The following KRT77 variants were observed in gnomAD, a reference collection of about 807,000 sequenced individuals.
KRT77 encodes keratin, type II cytoskeletal 1b.
Under a neutral mutation model 51.5 loss-of-function variants are expected in KRT77, and 44 were observed. The ratio of observed to expected loss-of-function variants is 0.85; its 90% CI spans 0.67 to 1.10. KRT77 has a LOEUF of 1.10. Among genes scored for constraint, KRT77 ranks in the 50% least tolerant of loss-of-function variants. The pLI is 0.00. For missense variants in KRT77, 763 were observed against 743.9 expected, an observed-to-expected ratio of 1.03 and a Z score of -0.30; for synonymous variants, 293 against 302.0, an observed-to-expected ratio of 0.97 and a Z score of 0.31.
chr12:52,691,810 A>G (rs2121041365), intron 8 of KRT77, 128 bp downstream of exon 8: 2 of 989,042 alleles, frequency 2.0e-6, no homozygotes, highest in Non-Finnish European at 1.6e-6. Context: ...ACACTTGCTT[A>G]CTTTGGTGTC....
chr12:52,690,869 T>C lies in KRT77; in HGVS notation c.*296A>G. 1.9e-6 allele frequency: 1 copy of C among 527,094 alleles called. No individual in the cohort carries two copies. The highest frequency in any genetic ancestry group is 3.5e-5 in the East Asian group (1 of 28,734). 32.7% of individuals were successfully genotyped at this position (527,094 alleles called of 1,614,324 possible). ...CTAACTGGAATGTTTGTGCTCACCC[T>C]GGGCTACCGATCTTCCAAAAAGGTG... On this transcript the variant is annotated 3_prime_UTR_variant, in exon 9 of 9. Coordinates refer to ENST00000341809, the MANE Select transcript of KRT77 (RefSeq NM_175078.3).
At position 52,690,631 on chromosome 12, in the gene KRT77, A is replaced by G. The variant is rs1284506745; in HGVS notation, c.*534T>C. The stretch of plus-strand genomic sequence containing the variant: ...ACAGCAAAGGGAGCTTGGGGTTGAG[A>G]TACCAACTCTCCATTATGCGCCTTG... On this transcript the variant is annotated 3_prime_UTR_variant, in exon 9 of 9. Coordinates refer to ENST00000341809, the MANE Select transcript of KRT77 (RefSeq NM_175078.3). 1 of 166,916 alleles carries G rather than the reference A, an allele frequency of 6.0e-6. No homozygotes were observed. The highest frequency in any genetic ancestry group is 1.3e-5 in the Non-Finnish European group (1 of 76,866). The allele number at this position is 166,916 out of a possible 1,614,324, so 10.3% of individuals were successfully genotyped here. A position where few individuals can be genotyped will look rare whatever the true frequency, so the allele number is the denominator to read the frequency against.
rs746661121 is a variant in KRT77 at position 52,694,620 on chromosome 12, G to A, written c.1080+6C>T. On this transcript the variant is annotated splice_donor_region_variant and intron_variant, in intron 5 of 8. Transcript: ENST00000341809. ...TCTGGGCACCAGATCTGGGGGCCACGCCCACCTTGGTCTGGTACAGGGCTT... is the reference window on the plus strand; with the variant it reads ...TCTGGGCACCAGATCTGGGGGCCACACCCACCTTGGTCTGGTACAGGGCTT... 22 of 1,586,436 alleles carry A rather than the reference G, an allele frequency of 1.4e-5. No individual in the cohort carries two copies. In the East Asian group the frequency reaches 2.5e-4, roughly 18 times the overall value.
rs750768524 is a variant in KRT77 at position 52,692,594 on chromosome 12, C to T, written c.1254G>A (p.Glu418=). The T allele has an allele frequency of 4.4e-6, 7 of 1,604,374 alleles. 1 individual carries two copies. In the Admixed American group the frequency reaches 1.2e-4, roughly 27 times the overall value. The change falls in exon 7 of 9, where the codon GAG becomes GAA. Residue 418 remains glutamate (E), a synonymous_variant. Transcript: ENST00000341809. ...TCTGCCACGCATCCTGGAGGGCCTGCTCGCCTCTCTCCTCAGCATCCGAAA... is the reference window on the plus strand; with the variant it reads ...TCTGCCACGCATCCTGGAGGGCCTGTTCGCCTCTCTCCTCAGCATCCGAAA... ...SLISDAEERG[E]QALQDAWQKL...
At position 52,693,686 on chromosome 12, in the gene KRT77, G is replaced by A. The variant is rs192008018; in HGVS notation, c.1081-806C>T. ...ATCCAGGTCAGTTTATGGAAAAGAAGTAACCAAAGATGTGCCCAACAACTT... is the reference window on the plus strand; with the variant it reads ...ATCCAGGTCAGTTTATGGAAAAGAAATAACCAAAGATGTGCCCAACAACTT... On this transcript the variant is annotated intron_variant, in intron 5 of 8. Coordinates refer to ENST00000341809, the MANE Select transcript of KRT77 (RefSeq NM_175078.3). 32 of 151,136 alleles carry A rather than the reference G, an allele frequency of 2.1e-4. No homozygotes were observed. In the East Asian group the frequency reaches 5.8e-3, roughly 27 times the overall value. The allele number at this position is 151,136 out of a possible 1,614,324, so 9.4% of individuals were successfully genotyped here.
Position 52,696,045 on chromosome 12 carries a change from G to A in KRT77, c.820-178C>T, listed in dbSNP as rs573684230. 1.2e-3 allele frequency among the ~76,000 whole-genome samples: 176 copies of A among 152,312 alleles called. 1 individual carries two copies. Among genetic ancestry groups the A allele is most frequent in the African/African-American group, 3.6e-3 (150 of 41,580 alleles). On this transcript the variant is annotated intron_variant, in intron 3 of 8. Transcript: ENST00000341809. The stretch of plus-strand genomic sequence containing the variant: ...CTGGCTTTCCTGGCCAGAAGGAGAT[G>A]TGACACCAACCTCCACATCCCAGTC...
At chr12:52,698,235 C>T (rs1941830146) in intron 1 of KRT77, 1 of 919,820 alleles carries the variant, frequency 1.1e-6, no homozygotes, top group Non-Finnish European at 1.5e-6. Flanking sequence ...GCATCTGAGA[C>T]ACTGATGACC....
chr12:52,693,898 G>T (rs956379306), intron 5 of KRT77, among the ~76,000 whole-genome samples: 1 of 136,460 alleles, frequency 7.3e-6, no homozygotes, highest in African/African-American at 2.5e-5. Context: ...TTAGCTTGGT[G>T]TAGTGGCGCG....
At chr12:52,692,108 G>T in intron 7 of KRT77, 136 bp from the exon 8 acceptor site, 1 of 930,302 alleles carries the variant, frequency 1.1e-6, no homozygotes, top group Non-Finnish European at 1.7e-6. Flanking sequence ...CAGGAAGCCA[G>T]TGGGGCAGAG....
chr12:52,694,634 G>A lies in KRT77; in HGVS notation c.1072C>T (p.Gln358Ter). Residue 358 changes from glutamine (Q) to a stop codon, truncating the protein, a stop_gained, in exon 5 of 9, where the codon CAG becomes TAG. Coordinates refer to ENST00000341809, the MANE Select transcript of KRT77 (RefSeq NM_175078.3). LOFTEE classifies it high-confidence loss of function. ...RSKDEAEALY[Q>*]TKYQELQITA... ...CTGGGGGCCACGCCCACCTTGGTCT[G>A]GTACAGGGCTTCGGCCTCGTCCTTG... The A allele has an allele frequency of 6.2e-7, 1 of 1,602,940 alleles. No individual in the cohort carries two copies. Among genetic ancestry groups the A allele is most frequent in the Non-Finnish European group, 8.5e-7 (1 of 1,173,082 alleles).
intron 1 of KRT77, among the ~76,000 whole-genome samples, chr12:52,700,192 A>G (rs1941865865): frequency 6.6e-6 from 1 of 152,206 alleles, no homozygotes; most frequent in South Asian, 2.1e-4. Flanking sequence ...CTATTTATTG[A>G]GCAATTCTCA....
At position 52,692,629 on chromosome 12, in the gene KRT77, G is replaced by C. The variant is rs745790482; in HGVS notation, c.1219C>G (p.Gln407Glu). The C allele has an allele frequency of 3.1e-6, 5 of 1,601,538 alleles. No individual in the cohort carries two copies. The South Asian group carries it at 5.5e-5, about 18-fold the overall frequency. ...TCCTCAGCATCCGAAATGAGTGACT[G>C]CATCTGTTCAATCTGCTCCAGAGAC... ...SNVKKQIEQMQSLISDAEERG... is the reference protein window; with the variant it reads ...SNVKKQIEQMESLISDAEERG... The change falls in exon 7 of 9, where the codon CAG becomes GAG. Residue 407 changes from glutamine (Q) to glutamate (E), a missense_variant. Coordinates refer to ENST00000341809, the MANE Select transcript of KRT77 (RefSeq NM_175078.3).
chr12:52,699,901 C>T (rs1277629319), intron 1 of KRT77, among the ~76,000 whole-genome samples: 7 of 152,328 alleles, frequency 4.6e-5, no homozygotes, highest in East Asian at 1.9e-4. Flanking sequence ...ATGCCCAACA[C>T]GGAGAAGACA....
In KRT77 at chr12:52,695,878, G is replaced by A. The variant is rs1592273026; in HGVS notation, c.820-11C>T. The A allele has an allele frequency of 1.3e-6, 2 of 1,573,440 alleles. No homozygotes were observed. Among genetic ancestry groups the A allele is most frequent in the East Asian group, 2.2e-5 (1 of 44,670 alleles). ...AGCAGCATCCACATCCTGAATAGCA[G>A]GCAGAAACAGTTTGACTTTATTGCC... On this transcript the variant is annotated splice_polypyrimidine_tract_variant and intron_variant, in intron 3 of 8. Transcript: ENST00000341809.
chr12:52,701,004 C>T (rs1409028756), intron 1 of KRT77, among the ~76,000 whole-genome samples: 1 of 152,222 alleles, frequency 6.6e-6, no homozygotes, highest in African/African-American at 2.4e-5. Context: ...AGCCTCTCCT[C>T]ATAGTCATCA....
At chr12:52,702,341 G>A (rs778421521) in intron 1 of KRT77, among the ~76,000 whole-genome samples, 6 of 152,320 alleles carry the variant, frequency 3.9e-5, no homozygotes, top group East Asian at 1.9e-4. Context: ...GGCTAGATGG[G>A]TGGATGGATG....
chr12:52,693,863 C>A (rs538476666), intron 5 of KRT77, among the ~76,000 whole-genome samples: 23 of 150,994 alleles, frequency 1.5e-4, no homozygotes, highest in African/African-American at 4.8e-4. Flanking sequence ...ATGGCAAAAC[C>A]CTGCCACTAC....
At chr12:52,694,118 G>A (rs1260061309) in intron 5 of KRT77, among the ~76,000 whole-genome samples, 1 of 152,062 alleles carries the variant, frequency 6.6e-6, no homozygotes, top group African/African-American at 2.4e-5. Flanking sequence ...GTGGTGAGGG[G>A]AATGGGTTTG....
rs139809869 is a variant in KRT77 at position 52,695,813 on chromosome 12, G to C, written c.874C>G (p.Leu292Val). The C allele has an allele frequency of 8.7e-6, 14 of 1,613,854 alleles. No homozygotes were observed. The African/African-American group carries it at 1.9e-4, about 22-fold the overall frequency. The change falls in exon 4 of 9, where the codon CTG becomes GTG. Residue 292 changes from leucine to valine, a missense_variant. By Grantham distance (32) the Leu-to-Val change is conservative (BLOSUM62 1). Transcript: ENST00000341809. ...KVDLESRVDT[L>V]TGEVNFLKYL... ...TTCAAGAAATTGACCTCCCCAGTCA[G>C]AGTGTCCACCCTGGACTCCAGGTCC...
Sources: gnomAD v4.1 joint callset for allele counts (sites outside exome capture counted in the v4.1 genomes callset) on GRCh38, gnomAD v4.1.1 for gene constraint, MANE v1.5 for transcripts, NCBI Gene and HGNC (gene_info 2026-07-23, HGNC 2026-07-21) for gene names.